Variants in ANKFN1 observed in about 807,000 individuals in gnomAD.
ANKFN1 encodes the protein ankyrin repeat and fibronectin type III domain containing 1, also known as ankyrin repeat and fibronectin type-III domain-containing protein 1.
ANKFN1 carries 74 observed loss-of-function variants against 108.7 expected under a neutral mutation model. The observed-to-expected ratio is 0.68, with a 90% CI of 0.56 to 0.83. The LOEUF (loss-of-function observed/expected upper bound fraction) is 0.83, where lower values mean the gene tolerates loss of function less well. Ranked by LOEUF, ANKFN1 falls within the 40% of genes least tolerant of loss-of-function variation. The probability of loss-of-function intolerance (pLI) is 0.00; values close to 1 mark genes in which losing one functional copy is unlikely to be tolerated. For synonymous variants in ANKFN1, 547 were observed against 516.2 expected (o/e 1.06, Z -0.81); for missense variants, 1,505 against 1,382.3 (o/e 1.09, Z -1.41).
intron 4 of ANKFN1, among the ~76,000 whole-genome samples, chr17:56,097,697 G>A (rs996525241): frequency 3.3e-5 from 5 of 152,272 alleles, no homozygotes; most frequent in African/African-American, 1.2e-4. Context: ...GTCCTTTCCA[G>A]CCTACATGAT....
chr17:56,202,996 G>T (rs1914191919), intron 1 of ANKFN1, among the ~76,000 whole-genome samples: 1 of 151,982 alleles, frequency 6.6e-6, no homozygotes, highest in Non-Finnish European at 1.5e-5. Context: ...TATCACTGTT[G>T]TCTTTTTAGA....
intron 1 of ANKFN1, among the ~76,000 whole-genome samples, chr17:56,187,378 A>G (rs1028346488): frequency 9.9e-5 from 15 of 152,210 alleles, no homozygotes; most frequent in African/African-American, 3.6e-4. Flanking sequence ...AATCAAAACC[A>G]CTATGAGATA....
chr17:56,490,994 A>G (rs1234971044), intron 18 of ANKFN1, among the ~76,000 whole-genome samples: 1 of 152,086 alleles, frequency 6.6e-6, no homozygotes. Flanking sequence ...GTGGACAAAA[A>G]TCTCTCAATA....
chr17:56,368,087 T>A lies in ANKFN1; in HGVS notation c.602-4559T>A, dbSNP rs1598469531. On this transcript the variant is annotated intron_variant, in intron 6 of 20. Coordinates refer to ENST00000682825, the MANE Select transcript of ANKFN1 (RefSeq NM_001370326.1). The stretch of plus-strand genomic sequence containing the variant: ...TGCCATCAGATCCAGAGGCTAGTAG[T>A]TACACTTCTGTAACACCAGATGTTA... 3.1e-6 allele frequency: 3 copies of A among 974,610 alleles called. No individual in the cohort carries two copies. The East Asian group carries it at 1.1e-4, about 35-fold the overall frequency. 60.4% of individuals were successfully genotyped at this position (974,610 alleles called of 1,614,324 possible).
At chr17:56,417,330 A>C (rs1453644310) in intron 8 of ANKFN1, among the ~76,000 whole-genome samples, 1 of 152,190 alleles carries the variant, frequency 6.6e-6, no homozygotes, top group Non-Finnish European at 1.5e-5. Flanking sequence ...CTTGTACTCC[A>C]TTAATATATA....
intron 14 of ANKFN1, among the ~76,000 whole-genome samples, chr17:56,459,400 C>T (rs764990284): frequency 5.9e-5 from 9 of 152,068 alleles, no homozygotes; most frequent in African/African-American, 9.7e-5. Flanking sequence ...CATGAGCCAC[C>T]GTGCCTGGCC....
chr17:56,247,770 T>G (rs1407299209), intron 3 of ANKFN1, among the ~76,000 whole-genome samples: 16 of 152,192 alleles, frequency 1.1e-4, no homozygotes, highest in Admixed American at 1.0e-3. Context: ...AGATTGTCTA[T>G]TAAAACTAAA....
chr17:56,493,670 A>G (rs1416106890), intron 19 of ANKFN1, among the ~76,000 whole-genome samples: 1 of 152,122 alleles, frequency 6.6e-6, no homozygotes, highest in Non-Finnish European at 1.5e-5. Flanking sequence ...AGGCTCTCAA[A>G]ACTCTGTTTA....
chr17:56,463,300 T>G (rs1033750868), intron 14 of ANKFN1, among the ~76,000 whole-genome samples: 1 of 152,182 alleles, frequency 6.6e-6, no homozygotes, highest in Non-Finnish European at 1.5e-5. Context: ...AGATAGGAAG[T>G]AGCAGATTCT....
chr17:56,328,099 T>C (rs543721151), intron 4 of ANKFN1, among the ~76,000 whole-genome samples: 3 of 152,300 alleles, frequency 2.0e-5, no homozygotes, highest in South Asian at 4.1e-4. Context: ...TTAAAAAATA[T>C]TGATTAGTGA....
intron 8 of ANKFN1, among the ~76,000 whole-genome samples, chr17:56,414,342 C>CA (rs1451390134): frequency 6.6e-6 from 1 of 151,960 alleles, no homozygotes; most frequent in African/African-American, 2.4e-5. Context: ...CAAACTATTC[C>CA]AAAAAATACA....
rs2051874574 is a variant in ANKFN1, at chr17:56,514,935, G to T, written c.*3666G>T. On this transcript the variant is annotated 3_prime_UTR_variant, in exon 21 of 21. Coordinates refer to ENST00000682825, the MANE Select transcript of ANKFN1 (RefSeq NM_001370326.1). ...TCCTGCCACACAAATGTGCGCCCTG[G>T]TGAGTTTGGAGCTCTTCCCTTGAAG... 6.6e-6 allele frequency among the ~76,000 whole-genome samples: 1 copy of T among 152,072 alleles called. No homozygotes were observed. The highest frequency in any genetic ancestry group is 2.1e-4 in the South Asian group (1 of 4,814).
intron 8 of ANKFN1, among the ~76,000 whole-genome samples, chr17:56,376,709 G>T (rs1211740870): frequency 1.3e-5 from 2 of 152,150 alleles, no homozygotes; most frequent in Admixed American, 6.5e-5. Context: ...CTCATCTCAG[G>T]AGACTTGCAT....
rs548918024 is a variant in ANKFN1, at chr17:56,201,661, T to C, written c.-70-10937T>C. Among the ~76,000 whole-genome samples, 365 of 142,490 alleles carry C rather than the reference T, an allele frequency of 2.6e-3. 2 individuals carry two copies. Among genetic ancestry groups the C allele is most frequent in the African/African-American group, 9.2e-3 (346 of 37,590 alleles). 93.5% of individuals were successfully genotyped at this position (142,490 alleles called of 152,430 possible). Reference sequence around the variant, plus strand: ...CTAAGGAGTGCTTTAGCTGATCGAATGTTATTTGTGAAAAAAAAAAAAATT... The same window carrying C: ...CTAAGGAGTGCTTTAGCTGATCGAACGTTATTTGTGAAAAAAAAAAAAATT... On this transcript the variant is annotated intron_variant, in intron 1 of 20. Transcript: ENST00000682825.
At chr17:56,176,837 T>C (rs1317048824) in intron 1 of ANKFN1, among the ~76,000 whole-genome samples, 1 of 152,216 alleles carries the variant, frequency 6.6e-6, no homozygotes, top group Non-Finnish European at 1.5e-5. Flanking sequence ...TGTCACTGCC[T>C]CAGGACTGAT....
chr17:56,060,947 T>C (rs1598085524), intron 4 of ANKFN1, among the ~76,000 whole-genome samples: 1 of 152,230 alleles, frequency 6.6e-6, no homozygotes, highest in South Asian at 2.1e-4. Context: ...GGCTTCATCA[T>C]AAAATGAGTT....
rs753695533 is a variant in ANKFN1, at chr17:56,227,968, T to G, written c.53+11T>G. Reference sequence around the variant, plus strand: ...TACTTGCAGCAAAATGTAAGTACATTTCCTCCTTGAAATGGTATCTACTTC... The same window carrying G: ...TACTTGCAGCAAAATGTAAGTACATGTCCTCCTTGAAATGGTATCTACTTC... On this transcript the variant is annotated intron_variant, in intron 3 of 20. Coordinates refer to ENST00000682825, the MANE Select transcript of ANKFN1 (RefSeq NM_001370326.1). 9 of 1,604,710 alleles carry G rather than the reference T, an allele frequency of 5.6e-6. No homozygotes were observed. The highest frequency in any genetic ancestry group is 7.7e-6 in the Non-Finnish European group (9 of 1,176,244).
intron 15 of ANKFN1, among the ~76,000 whole-genome samples, chr17:56,467,768 AAAGAAAGAAAGAAAGAAAGAAAG>A (rs2050135251): frequency 2.9e-5 from 1 of 34,086 alleles, no homozygotes; most frequent in Non-Finnish European, 5.4e-5. Context: ...AGAAAGAAAG[AAAGAAAGAAAGAAAGAAAGAAAG>A]AAGAAAGAAA....
intron 4 of ANKFN1, among the ~76,000 whole-genome samples, chr17:56,084,207 G>C (rs1481576071): frequency 6.6e-6 from 1 of 151,250 alleles, no homozygotes; most frequent in African/African-American, 2.4e-5. Flanking sequence ...TTAACCAATG[G>C]GAGGCACCAG....
Sources: allele counts gnomAD v4.1 joint callset (sites outside exome capture counted in the v4.1 genomes callset), GRCh38; gene constraint gnomAD v4.1.1; transcripts MANE v1.5; gene names NCBI Gene and HGNC (gene_info 2026-07-23, HGNC 2026-07-21).